The following PAX7 variants were observed in gnomAD, a reference collection of about 807,000 sequenced individuals.
The protein encoded by PAX7 is paired box 7, also known as paired box protein Pax-7.
Under a neutral mutation model 50.7 loss-of-function variants are expected in PAX7, and 18 were observed. The observed-to-expected ratio is 0.36, with a 90% confidence interval of 0.25 to 0.53. The LOEUF (loss-of-function observed/expected upper bound fraction) is 0.53. PAX7 is among the 20% of genes least tolerant of loss of function. The pLI, the probability that PAX7 is intolerant of heterozygous loss-of-function variation, is 0.93. For missense variants in PAX7, 644 were observed against 702.9 expected (o/e 0.92, Z 0.95); for synonymous variants, 310 against 290.4 (o/e 1.07, Z -0.69).
At chr1:18,708,256 G>A (rs940476494) in intron 7 of PAX7, among the ~76,000 whole-genome samples, 1 of 152,054 alleles carries the variant, frequency 6.6e-6, no homozygotes, top group Non-Finnish European at 1.5e-5. Context: ...GACAACGACT[G>A]TAAGAAAACA....
Position 18,715,077 on chromosome 1 carries a change from C to T in PAX7, c.1155+11781C>T, listed in dbSNP as rs138401405. Among the ~76,000 whole-genome samples the T allele has an allele frequency of 1.7e-4, 26 of 152,290 alleles. No individual in the cohort carries two copies. The East Asian group carries it at 2.1e-3, about 12-fold the overall frequency. On this transcript the variant is annotated intron_variant, in intron 7 of 8. Transcript: ENST00000420770. ...CAGGCAAGATCGCAGGTAGGAGAGA[C>T]GGGGGGTGACTTTGAGGGTCCCCAA...
intron 8 of PAX7, among the ~76,000 whole-genome samples, chr1:18,739,566 G>A (rs1250161364): frequency 6.6e-6 from 1 of 152,196 alleles, no homozygotes; most frequent in Admixed American, 6.5e-5. Flanking sequence ...TGGGATCCCA[G>A]AGAGGCTGTT....
chr1:18,733,679 C>T (rs1206006112), intron 7 of PAX7, among the ~76,000 whole-genome samples: 1 of 152,144 alleles, frequency 6.6e-6, no homozygotes, highest in African/African-American at 2.4e-5. Flanking sequence ...CCTAAGCTTC[C>T]CCCAGAGCAA....
rs376233087 is a variant in PAX7, at chr1:18,660,721, C to T, written c.586+24350C>T. Among the ~76,000 whole-genome samples, 3 of 152,128 alleles carry T rather than the reference C, an allele frequency of 2.0e-5. No individual in the cohort carries two copies. The East Asian group carries it at 5.8e-4, about 29-fold the overall frequency. ...CTGGCAGGGCTATAAACAAGCCTGC[C>T]TCCTTGGGCTCAGGAATCCTGAGTG... On this transcript the variant is annotated intron_variant, in intron 4 of 8. Coordinates refer to ENST00000420770, the MANE Select transcript of PAX7 (RefSeq NM_001135254.2).
At chr1:18,709,302 T>C (rs917918239) in intron 7 of PAX7, among the ~76,000 whole-genome samples, 3 of 152,342 alleles carry the variant, frequency 2.0e-5, no homozygotes, top group Admixed American at 6.5e-5. Flanking sequence ...CTGGTGCTCT[T>C]TTGTAATGTC....
At chr1:18,705,752 C>T (rs1376258236) in intron 7 of PAX7, among the ~76,000 whole-genome samples, 1 of 152,182 alleles carries the variant, frequency 6.6e-6, no homozygotes, top group African/African-American at 2.4e-5. Flanking sequence ...GTTTTCCATC[C>T]TCTCCTGGAA....
Position 18,630,926 on chromosome 1 carries a change from C to A in PAX7, c.-678C>A. On this transcript the variant is annotated 5_prime_UTR_variant, in exon 1 of 9. In the 5' UTR this introduces an upstream ATG that the reference lacks. Coordinates refer to ENST00000420770, the MANE Select transcript of PAX7 (RefSeq NM_001135254.2). Reference sequence around the variant, plus strand: ...TCTCTTTCCCCAACCCCGTCACCCCCTGTCTCCTCCGTCCAGCCCTGAAAC... The same window carrying A: ...TCTCTTTCCCCAACCCCGTCACCCCATGTCTCCTCCGTCCAGCCCTGAAAC... 1 of 199,762 alleles carries A rather than the reference C, an allele frequency of 5.0e-6. No homozygotes were observed. Among genetic ancestry groups the A allele is most frequent in the Non-Finnish European group, 1.0e-5 (1 of 96,646 alleles). 12.4% of individuals were successfully genotyped at this position (199,762 alleles called of 1,614,324 possible). A position where few individuals can be genotyped will look rare whatever the true frequency, so the allele number is the denominator to read the frequency against.
chr1:18,702,997 C>G, intron 6 of PAX7, 97 bp from the exon 7 acceptor site: 2 of 1,113,460 alleles, frequency 1.8e-6, no homozygotes, highest in Non-Finnish European at 2.6e-6. Flanking sequence ...GGAATGGAGA[C>G]CGGGAGGAGG....
chr1:18,721,477 C>A (rs531046088), intron 7 of PAX7, among the ~76,000 whole-genome samples: 1 of 152,366 alleles, frequency 6.6e-6, no homozygotes, highest in South Asian at 2.1e-4. Flanking sequence ...GCAGACCCCT[C>A]CTCAAAGACA....
In PAX7 at chr1:18,702,542, C is replaced by A. The variant is rs116074783; in HGVS notation, c.953-552C>A. ...GAAGGGCCCAGAGAGCGCAGAATAACAGCCTAGCAGCAAAGAACAGAGATG... is the reference window on the plus strand; with the variant it reads ...GAAGGGCCCAGAGAGCGCAGAATAAAAGCCTAGCAGCAAAGAACAGAGATG... On this transcript the variant is annotated intron_variant, in intron 6 of 8. Transcript: ENST00000420770. 2.6e-3 allele frequency among the ~76,000 whole-genome samples: 395 copies of A among 152,188 alleles called. 5 individuals carry two copies. Among genetic ancestry groups the A allele is most frequent in the African/African-American group, 9.3e-3 (385 of 41,522 alleles).
At chr1:18,650,232 G>A (rs1570122149) in intron 4 of PAX7, among the ~76,000 whole-genome samples, 1 of 152,346 alleles carries the variant, frequency 6.6e-6, no homozygotes, top group Non-Finnish European at 1.5e-5. Context: ...CTTATCTGGT[G>A]ACAAATGATT....
chr1:18,631,395 C>A lies in PAX7; in HGVS notation c.-209C>A. On this transcript the variant is annotated 5_prime_UTR_variant, in exon 1 of 9. Coordinates refer to ENST00000420770, the MANE Select transcript of PAX7 (RefSeq NM_001135254.2). The stretch of plus-strand genomic sequence containing the variant: ...ACCTTCCCTCCCCCCAACCTCCACC[C>A]CACCTCACCCCCCTCCCCAGCTTCT... 1 of 575,454 alleles carries A rather than the reference C, an allele frequency of 1.7e-6. No individual in the cohort carries two copies. Among genetic ancestry groups the A allele is most frequent in the Non-Finnish European group, 3.1e-6 (1 of 319,622 alleles). 35.6% of individuals were successfully genotyped at this position (575,454 alleles called of 1,614,324 possible).
chr1:18,647,238 C>T (rs2088359855), intron 4 of PAX7, among the ~76,000 whole-genome samples: 1 of 152,130 alleles, frequency 6.6e-6, no homozygotes, highest in Non-Finnish European at 1.5e-5. Context: ...CCGCCACTGC[C>T]GCCTGGGCTG....
At chr1:18,681,148 C>T (rs908468726) in intron 4 of PAX7, among the ~76,000 whole-genome samples, 1 of 84,240 alleles carries the variant, frequency 1.2e-5, no homozygotes, top group Non-Finnish European at 2.3e-5. Context: ...GCCTGGGCAA[C>T]AAGAGCAAAA....
chr1:18,703,910 G>C (rs2089253863), intron 7 of PAX7, among the ~76,000 whole-genome samples: 1 of 152,194 alleles, frequency 6.6e-6, no homozygotes, highest in African/African-American at 2.4e-5. Flanking sequence ...CTGTGGAATG[G>C]GTCTAAATCC....
chr1:18,739,513 C>T (rs1931007188), intron 8 of PAX7, among the ~76,000 whole-genome samples: 1 of 152,216 alleles, frequency 6.6e-6, no homozygotes, highest in Non-Finnish European at 1.5e-5. Flanking sequence ...TTATGCCACC[C>T]TATGCAGTAC....
Position 18,665,536 on chromosome 1 carries a change from C to T in PAX7, c.587-26218C>T, listed in dbSNP as rs568895713. Among the ~76,000 whole-genome samples, 5 of 151,906 alleles carry T rather than the reference C, an allele frequency of 3.3e-5. No homozygotes were observed. In the East Asian group the frequency reaches 9.7e-4, roughly 30 times the overall value. ...GACTATAGGCACGTGCCACCACACC[C>T]AGCTAATTTTTGTATGTTTAGTAGA... On this transcript the variant is annotated intron_variant, in intron 4 of 8. Transcript: ENST00000420770.
At chr1:18,721,733 A>T (rs1004859305) in intron 7 of PAX7, among the ~76,000 whole-genome samples, 5 of 152,216 alleles carry the variant, frequency 3.3e-5, no homozygotes, top group Non-Finnish European at 7.3e-5. Context: ...TCCGTCAGTG[A>T]TGCGGGGAGG....
At chr1:18,683,281 T>C (rs898328649) in intron 4 of PAX7, among the ~76,000 whole-genome samples, 1 of 152,228 alleles carries the variant, frequency 6.6e-6, no homozygotes, top group Non-Finnish European at 1.5e-5. Flanking sequence ...CAGCTATGGA[T>C]ACCTTAGACC....
Sources: gnomAD v4.1 joint callset for allele counts (sites outside exome capture counted in the v4.1 genomes callset) on GRCh38, gnomAD v4.1.1 for gene constraint, MANE v1.5 for transcripts, NCBI Gene and HGNC (gene_info 2026-07-23, HGNC 2026-07-21) for gene names.